CSDE1: variants seen among roughly 807,000 people sequenced by gnomAD.
The protein encoded by CSDE1 is cold shock domain containing E1.
Under a neutral mutation model 89.3 loss-of-function variants are expected in CSDE1, and 17 were observed. The ratio of observed to expected loss-of-function variants is 0.19; its 90% CI spans 0.13 to 0.29. CSDE1 has a LOEUF of 0.29. Ranked by LOEUF, CSDE1 falls within the 10% of genes least tolerant of loss-of-function variation. The pLI is 1.00. For synonymous variants in CSDE1, 322 were observed against 332.8 expected, an observed-to-expected ratio of 0.97 and a Z score of 0.35; for missense variants, 672 against 984.2, an observed-to-expected ratio of 0.68 and a Z score of 4.24.
chr1:114,718,998 G>A (rs1283247268), intron 18 of CSDE1: 1 of 441,646 alleles, frequency 2.3e-6, no homozygotes, highest in Non-Finnish European at 4.1e-6. Flanking sequence ...AATCAAGAGT[G>A]ACCAGTTCCA....
Position 114,737,488 on chromosome 1 carries a change from A to G in CSDE1, c.385T>C (p.Cys129Arg). 2 of 1,613,768 alleles carry G rather than the reference A, an allele frequency of 1.2e-6. No individual in the cohort carries two copies. The highest frequency in any genetic ancestry group is 1.7e-6 in the Non-Finnish European group (2 of 1,179,778). ...AAGTTTACCCCATTACGTTCGTAGC[A>G]TACACTCCCTGTTGGACTCTGACCC... is the stretch of plus-strand genomic sequence containing the variant. ...APGQSPTGSV[C>R]YERNGEVFYL... Residue 129 changes from cysteine to arginine, a missense_variant, in exon 5 of 20, where the codon TGC becomes CGC. Cys to Arg is a radical substitution (Grantham distance 180). Coordinates refer to ENST00000358528, the MANE Select transcript of CSDE1 (RefSeq NM_001007553.3).
chr1:114,720,120 T>G lies in CSDE1; in HGVS notation c.2053-378A>C, dbSNP rs144402047. On this transcript the variant is annotated intron_variant, in intron 17 of 19. Coordinates refer to ENST00000358528, the MANE Select transcript of CSDE1 (RefSeq NM_001007553.3). ...TATTCTCTGTACTGATGAAAAACATTCTGAGGACTCAGATTTCCCTGAGAT... is the reference window on the plus strand; with the variant it reads ...TATTCTCTGTACTGATGAAAAACATGCTGAGGACTCAGATTTCCCTGAGAT... The G allele has an allele frequency of 7.1e-5, 15 of 212,586 alleles. No individual in the cohort carries two copies. In the East Asian group the frequency reaches 1.8e-3, roughly 26 times the overall value. 13.2% of individuals were successfully genotyped at this position (212,586 alleles called of 1,614,324 possible).
Position 114,737,951 on chromosome 1 carries a change from A to C in CSDE1, c.309+12T>G. On this transcript the variant is annotated intron_variant, in intron 4 of 19. Transcript: ENST00000358528. ...GGGCCCTAAAAAAACACAAAGCATC[A>C]AAGTCACTAACTTGTCCATTCATTC... The C allele has an allele frequency of 1.3e-6, 2 of 1,577,678 alleles. No individual in the cohort carries two copies. The highest frequency in any genetic ancestry group is 2.2e-5 in the South Asian group (2 of 90,238).
At position 114,719,856 on chromosome 1, in the gene CSDE1, C is replaced by T. The variant is rs868011868; in HGVS notation, c.2053-114G>A. Reference sequence around the variant, plus strand: ...ATAAAACATGGTATTAATGTTGATACTCCAGTCCAGCTGCCTGTGGCAAAA... The same window carrying T: ...ATAAAACATGGTATTAATGTTGATATTCCAGTCCAGCTGCCTGTGGCAAAA... On this transcript the variant is annotated intron_variant, in intron 17 of 19. Coordinates refer to ENST00000358528, the MANE Select transcript of CSDE1 (RefSeq NM_001007553.3). 2.3e-5 allele frequency: 24 copies of T among 1,044,612 alleles called. 1 individual carries two copies. In the Middle Eastern group the frequency reaches 1.5e-3, roughly 66 times the overall value. The allele number at this position is 1,044,612 out of a possible 1,614,324, so 64.7% of individuals were successfully genotyped here.
intron 6 of CSDE1, 43 bp downstream of exon 6, chr1:114,736,715 A>G (rs758389450): frequency 1.8e-5 from 24 of 1,370,880 alleles, no homozygotes; most frequent in Non-Finnish European, 2.1e-5. Context: ...AGGGGGGAAA[A>G]AAAAACCGCT....
In CSDE1 at chr1:114,743,799, T is replaced by C. The variant is rs556231655; in HGVS notation, c.1-3909A>G. ...ATCCCTAGACACATACCAAAAGAGTTGAAAAAGCCTTCCCCTTCTCCCAGA... is the reference window on the plus strand; with the variant it reads ...ATCCCTAGACACATACCAAAAGAGTCGAAAAAGCCTTCCCCTTCTCCCAGA... On this transcript the variant is annotated intron_variant, in intron 2 of 19. Coordinates refer to ENST00000358528, the MANE Select transcript of CSDE1 (RefSeq NM_001007553.3). Among the ~76,000 whole-genome samples, 10 of 152,318 alleles carry C rather than the reference T, an allele frequency of 6.6e-5. No individual in the cohort carries two copies. The East Asian group carries it at 1.5e-3, about 23-fold the overall frequency.
chr1:114,734,911 T>C (rs953108671), intron 6 of CSDE1, among the ~76,000 whole-genome samples: 6 of 152,234 alleles, frequency 3.9e-5, no homozygotes, highest in African/African-American at 1.4e-4. Context: ...TAAAGGTTAT[T>C]CATTAAACAA....
chr1:114,719,862 T>C, intron 17 of CSDE1, 120 bp from the exon 18 acceptor site: 1 of 956,564 alleles, frequency 1.0e-6, no homozygotes, highest in Non-Finnish European at 1.5e-6. Flanking sequence ...GATACTCCAG[T>C]CCAGCTGCCT....
At chr1:114,738,220 T>G in intron 3 of CSDE1, 148 bp from the exon 4 acceptor site, 1 of 636,458 alleles carries the variant, frequency 1.6e-6, no homozygotes, top group Non-Finnish European at 2.8e-6. Context: ...TAACATCACC[T>G]GGGAGCTTAA....
intron 16 of CSDE1, 36 bp downstream of exon 16, chr1:114,723,847 G>A: frequency 6.2e-7 from 1 of 1,612,470 alleles, no homozygotes. Flanking sequence ...TGAAGTTATG[G>A]CAAATTTCAA....
At position 114,738,087 on chromosome 1, in the gene CSDE1, T is replaced by C. The variant is rs777172855; in HGVS notation, c.200-15A>G. On this transcript the variant is annotated splice_polypyrimidine_tract_variant and intron_variant, in intron 3 of 19. Transcript: ENST00000358528. Reference sequence around the variant, plus strand: ...TTCAACATCATCTAAAAATAAATAATGTGTTATGTTTGTTGAACTGATTTT... The same window carrying C: ...TTCAACATCATCTAAAAATAAATAACGTGTTATGTTTGTTGAACTGATTTT... The C allele has an allele frequency of 5.0e-6, 8 of 1,591,164 alleles. No homozygotes were observed. Among genetic ancestry groups the C allele is most frequent in the South Asian group, 4.4e-5 (4 of 90,610 alleles).
intron 1 of CSDE1, among the ~76,000 whole-genome samples, chr1:114,757,469 C>T (rs1471530808): frequency 6.6e-6 from 1 of 152,068 alleles, no homozygotes; most frequent in African/African-American, 2.4e-5. Flanking sequence ...CTCTTCCAAC[C>T]TCACACAAAG....
At chr1:114,731,427 A>C (rs1053885985) in intron 10 of CSDE1, among the ~76,000 whole-genome samples, 1 of 152,266 alleles carries the variant, frequency 6.6e-6, no homozygotes, top group Non-Finnish European at 1.5e-5. Context: ...CAGACTTACA[A>C]ACTTTTAAAG....
chr1:114,733,663 A>G (rs1255529914), intron 9 of CSDE1, 69 bp downstream of exon 9: 7 of 1,382,012 alleles, frequency 5.1e-6, no homozygotes, highest in South Asian at 1.3e-5. Flanking sequence ...ATAAAATCTC[A>G]GTATACCACA....
In CSDE1 at chr1:114,749,291, A is replaced by G. The variant is rs201658272; in HGVS notation, c.-1+530T>C. On this transcript the variant is annotated intron_variant, in intron 2 of 19. Transcript: ENST00000358528. ...GTTCTAAATCATTAAGTCCATTAGT[A>G]TCTTATTCATTCGTTATATTTCAGC... 7.1e-4 allele frequency among the ~76,000 whole-genome samples: 52 copies of G among 73,666 alleles called. No individual in the cohort carries two copies. The East Asian group carries it at 0.13, about 190-fold the overall frequency. The allele number at this position is 73,666 out of a possible 152,430, so 48.3% of individuals were successfully genotyped here. A position where few individuals can be genotyped will look rare whatever the true frequency, so the allele number is the denominator to read the frequency against.
rs1403193081 is a variant in CSDE1, at chr1:114,726,125, A to G, written c.1640+86T>C. On this transcript the variant is annotated intron_variant, in intron 14 of 19. Coordinates refer to ENST00000358528, the MANE Select transcript of CSDE1 (RefSeq NM_001007553.3). ...ATGAAATCTGAACCTCAACAAGTAT[A>G]ATCAATCAATACTAAATGTTTTTTA... is the stretch of plus-strand genomic sequence containing the variant. The G allele has an allele frequency of 9.2e-6, 12 of 1,311,406 alleles. No homozygotes were observed. The East Asian group carries it at 2.4e-4, about 26-fold the overall frequency. The allele number at this position is 1,311,406 out of a possible 1,614,324, so 81.2% of individuals were successfully genotyped here.
In CSDE1 at chr1:114,734,515, G is replaced by A. The variant is rs151170620; in HGVS notation, c.509C>T (p.Ala170Val). ...CAGCATAATGTTGCGAGCACTTACA[G>A]CACCAGTACTAGAAAAAAAATAATT... ...FVIDNNKHTG[A>V]VSARNIMLLK... is the part of the protein sequence containing the mutation. Residue 170 changes from alanine (A) to valine (V), a missense_variant, in exon 7 of 20, where the codon GCT becomes GTT. This residue lies in a region of CSDE1 where 124 missense variants were observed against 138.7 expected (regional missense o/e 0.89). Transcript: ENST00000358528. 219 of 1,609,958 alleles carry A rather than the reference G, an allele frequency of 1.4e-4. No individual in the cohort carries two copies. The highest frequency in any genetic ancestry group is 1.6e-4 in the Middle Eastern group (1 of 6,078).
Position 114,730,667 on chromosome 1 carries a change from T to G in CSDE1, c.1051-19A>C, listed in dbSNP as rs187785411. Reference sequence around the variant, plus strand: ...TCACACCCTGAAACCCAAATAATATTTTCACTGGCTGTGAAACTTGTCAAG... The same window carrying G: ...TCACACCCTGAAACCCAAATAATATGTTCACTGGCTGTGAAACTTGTCAAG... On this transcript the variant is annotated intron_variant, in intron 10 of 19. Transcript: ENST00000358528. 3.1e-6 allele frequency: 5 copies of G among 1,610,636 alleles called. No homozygotes were observed. In the Admixed American group the frequency reaches 6.7e-5, roughly 22 times the overall value.
chr1:114,726,521 T>G, intron 13 of CSDE1, 135 bp from the exon 14 acceptor site: 1 of 666,994 alleles, frequency 1.5e-6, no homozygotes, highest in East Asian at 3.0e-5. Context: ...TCAATGAAAT[T>G]GATTTTCACC....
Sources: allele counts gnomAD v4.1 joint callset (sites outside exome capture counted in the v4.1 genomes callset), GRCh38; gene constraint gnomAD v4.1.1; regional missense constraint gnomAD v4.1.1; transcripts MANE v1.5; gene names NCBI Gene and HGNC (gene_info 2026-07-23, HGNC 2026-07-21).